The following CEP112 variants were observed in gnomAD, a reference collection of about 807,000 sequenced individuals.
CEP112 encodes centrosomal protein 112, also known as centrosomal protein of 112 kDa.
In CEP112, 127 loss-of-function variants were observed where a neutral mutation model predicts 153.0. The observed-to-expected ratio is 0.83, with a 90% confidence interval of 0.72 to 0.96. CEP112 has a LOEUF of 0.96. CEP112 is among the 40% of genes least tolerant of loss of function. The probability of loss-of-function intolerance (pLI) is 0.00; values close to 1 mark genes in which losing one functional copy is unlikely to be tolerated. For synonymous variants in CEP112, 358 were observed against 374.4 expected (o/e 0.96, Z 0.51); for missense variants, 1,089 against 1,101.2 (o/e 0.99, Z 0.16).
At chr17:65,928,492 T>C (rs1044973145) in intron 18 of CEP112, among the ~76,000 whole-genome samples, 3 of 152,182 alleles carry the variant, frequency 2.0e-5, no homozygotes, top group Non-Finnish European at 4.4e-5. Context: ...GCATTATTCA[T>C]AACATCCAAA....
intron 18 of CEP112, among the ~76,000 whole-genome samples, chr17:65,958,348 C>G (rs2062071245): frequency 6.6e-6 from 1 of 152,304 alleles, no homozygotes; most frequent in South Asian, 2.1e-4. Context: ...ATGCATATTA[C>G]ATACATGTAT....
intron 4 of CEP112, among the ~76,000 whole-genome samples, chr17:66,165,500 A>T (rs145213156): frequency 2.0e-5 from 3 of 152,338 alleles, no homozygotes; most frequent in African/African-American, 7.2e-5. Flanking sequence ...AGGTTTTACT[A>T]AGAAGGAAAG....
chr17:65,839,835 A>G (rs2146206768), intron 21 of CEP112, among the ~76,000 whole-genome samples: 1 of 152,276 alleles, frequency 6.6e-6, no homozygotes, highest in Non-Finnish European at 1.5e-5. Flanking sequence ...TGCAGGACAT[A>G]AAATCAACAT....
chr17:66,075,800 G>T (rs2056907484), intron 8 of CEP112, among the ~76,000 whole-genome samples: 1 of 152,128 alleles, frequency 6.6e-6, no homozygotes, highest in African/African-American at 2.4e-5. Flanking sequence ...AATGAACCAG[G>T]AACCCCGAGG....
chr17:65,646,290 T>C (rs1401553714), intron 24 of CEP112, among the ~76,000 whole-genome samples: 1 of 152,246 alleles, frequency 6.6e-6, no homozygotes, highest in African/African-American at 2.4e-5. Flanking sequence ...TTTGTGATTT[T>C]AGTGAGTTTG....
intron 20 of CEP112, among the ~76,000 whole-genome samples, chr17:65,866,672 C>A (rs879908834): frequency 6.6e-6 from 1 of 152,148 alleles, no homozygotes; most frequent in Non-Finnish European, 1.5e-5. Context: ...AAAGGATGAC[C>A]AGCTGACAAG....
At chr17:66,033,413 G>A (rs1218885327) in intron 12 of CEP112, among the ~76,000 whole-genome samples, 1 of 152,078 alleles carries the variant, frequency 6.6e-6, no homozygotes, top group Non-Finnish European at 1.5e-5. Context: ...ACCCTCCAAT[G>A]GCTTCTCTTA....
At chr17:65,910,423 G>T (rs938494102) in intron 19 of CEP112, among the ~76,000 whole-genome samples, 3 of 152,074 alleles carry the variant, frequency 2.0e-5, no homozygotes, top group African/African-American at 7.2e-5. Flanking sequence ...ATTACATTAG[G>T]AAAAAGGTGA....
chr17:65,859,044 T>C (rs1011656994), intron 20 of CEP112, among the ~76,000 whole-genome samples: 43 of 152,202 alleles, frequency 2.8e-4, no homozygotes, highest in African/African-American at 1.0e-3. Context: ...AAAGTGCTTT[T>C]AATTTTACCT....
chr17:66,168,261 G>A (rs947482067), intron 4 of CEP112, among the ~76,000 whole-genome samples: 3 of 151,866 alleles, frequency 2.0e-5, no homozygotes, highest in South Asian at 2.1e-4. Context: ...CCCTGCACAC[G>A]AACACATATG....
chr17:65,960,839 G>A (rs187117844), intron 18 of CEP112, among the ~76,000 whole-genome samples: 1 of 152,288 alleles, frequency 6.6e-6, no homozygotes, highest in Admixed American at 6.5e-5. Context: ...TTTCTCCAGG[G>A]AAGAAAGAAT....
chr17:65,970,365 TAC>T (rs2062648242), intron 17 of CEP112, among the ~76,000 whole-genome samples: 1 of 149,322 alleles, frequency 6.7e-6, no homozygotes, highest in Non-Finnish European at 1.5e-5. Context: ...GTGCCTATAT[TAC>T]ATGCACACAT....
chr17:65,842,349 A>G (rs1176245049), intron 21 of CEP112, among the ~76,000 whole-genome samples: 1 of 152,172 alleles, frequency 6.6e-6, no homozygotes, highest in Admixed American at 6.5e-5. Flanking sequence ...ATAGTTTTCT[A>G]GCTTCAGACA....
At chr17:65,971,465 CATGT>C (rs1568319628) in intron 17 of CEP112, among the ~76,000 whole-genome samples, 1 of 100,614 alleles carries the variant, frequency 9.9e-6, no homozygotes, top group East Asian at 8.0e-4. Context: ...ATATCACACA[CATGT>C]ATCATGCATG....
chr17:66,175,108 C>G lies in CEP112; in HGVS notation c.406G>C (p.Glu136Gln). The change falls in exon 4 of 27, where the codon GAA (glutamate) becomes CAA (glutamine). Residue 136 changes from glutamate to glutamine, a missense_variant. Coordinates refer to ENST00000535342, the MANE Select transcript of CEP112 (RefSeq NM_001199165.4). The part of the protein sequence containing the change: ...ELETSEHKLN[E>Q]SWKLSSGEDN... ...TCTCCAGAAGAGAGTTTCCATGATT[C>G]ATTTAATTTGTGTTCACTTGTCTCC... 6.2e-7 allele frequency: 1 copy of G among 1,613,124 alleles called. No homozygotes were observed. The highest frequency in any genetic ancestry group is 2.2e-5 in the East Asian group (1 of 44,798).
At chr17:66,021,571 T>C (rs1409527730) in intron 16 of CEP112, among the ~76,000 whole-genome samples, 1 of 151,980 alleles carries the variant, frequency 6.6e-6, no homozygotes, top group East Asian at 1.9e-4. Context: ...GTCTGAAGAG[T>C]GAGAGGTGGG....
intron 21 of CEP112, among the ~76,000 whole-genome samples, chr17:65,780,851 A>G (rs1254985766): frequency 6.6e-6 from 1 of 152,144 alleles, no homozygotes; most frequent in African/African-American, 2.4e-5. Flanking sequence ...TATTTGAATT[A>G]TAAGCTTTGA....
At position 65,801,247 on chromosome 17, in the gene CEP112, C is replaced by T. The variant is rs546330616; in HGVS notation, c.2395-50523G>A. Among the ~76,000 whole-genome samples the T allele has an allele frequency of 1.7e-3, 258 of 152,102 alleles. 1 individual carries two copies. The highest frequency in any genetic ancestry group is 5.6e-3 in the African/African-American group (232 of 41,498). On this transcript the variant is annotated intron_variant, in intron 21 of 26. Transcript: ENST00000535342. ...ATAATATTTCTAATTTTTGTAGAGA[C>T]GGGGTTTCACCATGTTTCCTAGGCT...
chr17:66,043,922 G>C (rs1260646646), intron 12 of CEP112, among the ~76,000 whole-genome samples: 3 of 152,084 alleles, frequency 2.0e-5, no homozygotes, highest in Non-Finnish European at 4.4e-5. Flanking sequence ...TTCATCTTAA[G>C]CCAGGCCTTG....
Sources: allele counts gnomAD v4.1 joint callset (sites outside exome capture counted in the v4.1 genomes callset), GRCh38; gene constraint gnomAD v4.1.1; transcripts MANE v1.5; gene names NCBI Gene and HGNC (gene_info 2026-07-23, HGNC 2026-07-21).